Variants in WDR35 observed in about 807,000 individuals in gnomAD.
WDR35 encodes the protein WD repeat domain 35.
Under a neutral mutation model 158.3 loss-of-function variants are expected in WDR35, and 118 were observed. The ratio of observed to expected loss-of-function variants is 0.75; its 90% confidence interval spans 0.64 to 0.87. WDR35 has a LOEUF of 0.87. Ranked by LOEUF, WDR35 falls within the 40% of genes least tolerant of loss-of-function variation. The pLI, the probability that WDR35 is intolerant of heterozygous loss-of-function variation, is 0.00. For synonymous variants in WDR35, 448 were observed against 476.1 expected (o/e 0.94, Z 0.77); for missense variants, 1,263 against 1,405.8 (o/e 0.90, Z 1.62).
In WDR35 at chr2:19,934,232, T is replaced by C. The variant is rs1412286612; in HGVS notation, c.2548-721A>G. ...ATTTTATATCCAACTTTTAAAACAA[T>C]GCTTATATTTTTCTGATTATAAGGG... On this transcript the variant is annotated intron_variant, in intron 21 of 26. Coordinates refer to ENST00000281405, the MANE Select transcript of WDR35 (RefSeq NM_020779.4). This position sits in a 1 kb window ranked among gnomAD's most constrained non-coding sequence, Gnocchi z 4.6. Among the ~76,000 whole-genome samples, 1 of 152,186 alleles carries C rather than the reference T, an allele frequency of 6.6e-6. No individual in the cohort carries two copies. The highest frequency in any genetic ancestry group is 1.5e-5 in the Non-Finnish European group (1 of 68,034).
Position 19,966,734 on chromosome 2 carries a change from T to C in WDR35, c.1184A>G (p.Asn395Ser). 2.5e-6 allele frequency: 4 copies of C among 1,613,810 alleles called. No individual in the cohort carries two copies. The highest frequency in any genetic ancestry group is 3.4e-6 in the Non-Finnish European group (4 of 1,179,900). Reference sequence around the variant, plus strand: ...TCAAGAAACACCTACCTGAGGATGATTTTCATCAGCTTTTGTAGCCAAAAT... The same window carrying C: ...TCAAGAAACACCTACCTGAGGATGACTTTCATCAGCTTTTGTAGCCAAAAT... Reference protein sequence around the residue: ...FCILATKADENHPQFVLVLCN... With the variant: ...FCILATKADESHPQFVLVLCN... Residue 395 changes from asparagine (N) to serine (S), a missense_variant, in exon 10 of 27, where the codon AAT (asparagine) becomes AGT (serine). By Grantham distance (46) the Asn-to-Ser change is conservative (BLOSUM62 1). Transcript: ENST00000281405.
rs2103374986 is a variant in WDR35, at chr2:19,911,382, C to T, written c.*2176G>A. On this transcript the variant is annotated 3_prime_UTR_variant, in exon 27 of 27. Coordinates refer to ENST00000281405, the MANE Select transcript of WDR35 (RefSeq NM_020779.4). ...ACCAAACTGTCCTGCAGGAACCTTT[C>T]AGACAGGCAGAACTAATAAGTGTGC... 2.0e-5 allele frequency: 3 copies of T among 152,362 alleles called. No individual in the cohort carries two copies. In the Middle Eastern group the frequency reaches 0.01, roughly 518 times the overall value. The allele number at this position is 152,362 out of a possible 1,614,324, so 9.4% of individuals were successfully genotyped here. A position where few individuals can be genotyped will look rare whatever the true frequency, so the allele number is the denominator to read the frequency against.
intron 24 of WDR35, 60 bp downstream of exon 24, chr2:19,931,209 C>CTTTTTTTTTTTTTTTTTTT: frequency 8.2e-7 from 1 of 1,225,642 alleles, no homozygotes; most frequent in South Asian, 1.5e-5. Flanking sequence ...TTAATAGTTT[C>CTTTTTTTTTTTTTTTTTTT]TTTTTTTTTT....
At chr2:19,928,467 T>C (rs1489547144) in intron 25 of WDR35, among the ~76,000 whole-genome samples, 2 of 152,206 alleles carry the variant, frequency 1.3e-5, no homozygotes, top group Non-Finnish European at 2.9e-5. Flanking sequence ...TTAATTCCTC[T>C]AGCGCCGCTT....
intron 25 of WDR35, among the ~76,000 whole-genome samples, chr2:19,920,626 C>T (rs568707427): frequency 5.3e-5 from 8 of 152,312 alleles, no homozygotes; most frequent in Admixed American, 2.6e-4. Flanking sequence ...CAATATCATA[C>T]TGAATGGGCA....
intron 13 of WDR35, among the ~76,000 whole-genome samples, chr2:19,950,312 A>C (rs962044621): frequency 1.4e-5 from 2 of 140,638 alleles, no homozygotes; most frequent in Admixed American, 1.4e-4. Context: ...AAATAATATA[A>C]AGACAGAAAA....
chr2:19,928,173 C>A (rs1670415110), intron 25 of WDR35, among the ~76,000 whole-genome samples: 1 of 152,216 alleles, frequency 6.6e-6, no homozygotes, highest in Non-Finnish European at 1.5e-5. Context: ...CAGAAAACTG[C>A]TTAAAGGAGT....
At chr2:19,953,700 TAATC>T (rs1409317535) in intron 12 of WDR35, 130 bp downstream of exon 12, 3 of 1,161,498 alleles carry the variant, frequency 2.6e-6, no homozygotes, top group African/African-American at 1.6e-5. Context: ...ATTTTAAAGA[TAATC>T]AAATTAATTG....
chr2:19,968,015 TCA>T (rs1671911627), intron 9 of WDR35, among the ~76,000 whole-genome samples: 1 of 152,222 alleles, frequency 6.6e-6, no homozygotes, highest in Non-Finnish European at 1.5e-5. Context: ...TGACAATTTC[TCA>T]GTCTTTCCTT....
At position 19,933,382 on chromosome 2, in the gene WDR35, A is replaced by C; in HGVS notation, c.2658+19T>G. ...TCCTAAGACAATAAGCTGCACAGAC[A>C]GAAAGTTTCAGTTCCTACTTGGTTG... On this transcript the variant is annotated intron_variant, in intron 22 of 26. Transcript: ENST00000281405. 1 of 1,595,644 alleles carries C rather than the reference A, an allele frequency of 6.3e-7. No individual in the cohort carries two copies. The highest frequency in any genetic ancestry group is 8.6e-7 in the Non-Finnish European group (1 of 1,163,434).
At chr2:19,959,455 G>A (rs1159783679) in intron 11 of WDR35, among the ~76,000 whole-genome samples, 1 of 151,768 alleles carries the variant, frequency 6.6e-6, no homozygotes, top group Non-Finnish European at 1.5e-5. Context: ...TTTTTAACAA[G>A]GAACACTAAT....
intron 11 of WDR35, among the ~76,000 whole-genome samples, chr2:19,956,618 CTT>C (rs34318252): frequency 7.4e-4 from 96 of 129,382 alleles, no homozygotes; most frequent in African/African-American, 1.8e-3. Context: ...CTTAATAATA[CTT>C]TTTTTTTTTT....
At chr2:19,939,154 T>C (rs1330751980) in intron 17 of WDR35, among the ~76,000 whole-genome samples, 1 of 152,122 alleles carries the variant, frequency 6.6e-6, no homozygotes, top group Non-Finnish European at 1.5e-5. Context: ...TCCAGCCAAC[T>C]AAAAGATTAA....
chr2:19,952,781 CTTTTTTTTTTTT>C (rs773596785), intron 12 of WDR35, among the ~76,000 whole-genome samples: 1 of 86,266 alleles, frequency 1.2e-5, no homozygotes, highest in Non-Finnish European at 2.2e-5. Context: ...ACTCAACATA[CTTTTTTTTTTTT>C]TTTTTTTTTT....
intron 12 of WDR35, chr2:19,952,040 G>C (rs916532421): frequency 6.5e-6 from 1 of 152,956 alleles, no homozygotes; most frequent in Non-Finnish European, 1.5e-5. Flanking sequence ...AATTTAAGGG[G>C]TACAAAAGTA....
intron 10 of WDR35, among the ~76,000 whole-genome samples, chr2:19,964,821 T>A (rs924503835): frequency 6.6e-6 from 1 of 152,236 alleles, no homozygotes; most frequent in Non-Finnish European, 1.5e-5. Context: ...ATTATGGTTA[T>A]CCTATTTTTA....
chr2:19,987,795 G>A (rs1168530298), intron 2 of WDR35, among the ~76,000 whole-genome samples: 3 of 129,644 alleles, frequency 2.3e-5, no homozygotes, highest in Non-Finnish European at 4.6e-5. Flanking sequence ...CTGCACTCCA[G>A]CCTGGGCAAC....
At chr2:19,963,786 C>T (rs1342171127) in intron 10 of WDR35, among the ~76,000 whole-genome samples, 2 of 151,882 alleles carry the variant, frequency 1.3e-5, no homozygotes, top group Non-Finnish European at 2.9e-5. Context: ...ACTCTGTCGC[C>T]CAGGCTGGAG....
chr2:19,957,925 A>C (rs890602092), intron 11 of WDR35, among the ~76,000 whole-genome samples: 3 of 152,210 alleles, frequency 2.0e-5, no homozygotes, highest in African/African-American at 7.2e-5. Context: ...GGCAGTCATT[A>C]CTAGCCAAGC....
Sources: allele counts gnomAD v4.1 joint callset (sites outside exome capture counted in the v4.1 genomes callset), GRCh38; gene constraint gnomAD v4.1.1; non-coding constraint Gnocchi (gnomAD v3.1); transcripts MANE v1.5; gene names NCBI Gene and HGNC (gene_info 2026-07-23, HGNC 2026-07-21).